The following ANKH variants were observed in gnomAD, a reference collection of about 807,000 sequenced individuals.
The protein encoded by ANKH is ANKH inorganic pyrophosphate transport regulator.
In ANKH, 15 loss-of-function variants were observed where a neutral mutation model predicts 49.0. That is an observed-to-expected ratio of 0.31 (90% CI 0.20 to 0.47). The LOEUF (loss-of-function observed/expected upper bound fraction) is 0.47, where lower values mean the gene tolerates loss of function less well. Ranked by LOEUF, ANKH falls within the 20% of genes least tolerant of loss-of-function variation. The probability of loss-of-function intolerance (pLI) is 1.00; values close to 1 mark genes in which losing one functional copy is unlikely to be tolerated. For synonymous variants in ANKH, 273 were observed against 260.0 expected (o/e 1.05, Z -0.48); for missense variants, 429 against 652.0 (o/e 0.66, Z 3.72).
intron 1 of ANKH, among the ~76,000 whole-genome samples, chr5:14,805,449 A>G (rs969970726): frequency 1.7e-4 from 14 of 84,336 alleles, no homozygotes; most frequent in East Asian, 6.1e-4. Flanking sequence ...GTGTGTGTGT[A>G]TATATATATG....
chr5:14,786,045 C>CA (rs71603742), intron 1 of ANKH, among the ~76,000 whole-genome samples: 21,446 of 66,236 alleles, frequency 0.32, 3,531 homozygotes, highest in African/African-American at 0.36. Flanking sequence ...GACTCTGTCT[C>CA]AAAAAAAAAA....
chr5:14,748,169 G>C, intron 6 of ANKH, among the ~76,000 whole-genome samples: 1 of 152,192 alleles, frequency 6.6e-6, no homozygotes, highest in African/African-American at 2.4e-5. Context: ...AACTTGAACT[G>C]AAGTATTCAA....
chr5:14,796,021 C>T (rs1205596851), intron 1 of ANKH, among the ~76,000 whole-genome samples: 1 of 152,118 alleles, frequency 6.6e-6, no homozygotes, highest in East Asian at 1.9e-4. Context: ...AACATATTTT[C>T]CTTCCCAATT....
chr5:14,817,453 T>C (rs1014846086), intron 1 of ANKH, among the ~76,000 whole-genome samples: 5 of 152,172 alleles, frequency 3.3e-5, no homozygotes, highest in Non-Finnish European at 7.4e-5. Context: ...TGAACTACCA[T>C]GAGATGGATG....
chr5:14,725,668 G>A lies in ANKH; in HGVS notation c.1012-8833C>T, dbSNP rs139179491. Among the ~76,000 whole-genome samples, 475 of 152,372 alleles carry A rather than the reference G, an allele frequency of 3.1e-3. 1 individual carries two copies. Among genetic ancestry groups the A allele is most frequent in the African/African-American group, 0.011 (463 of 41,582 alleles). On this transcript the variant is annotated intron_variant, in intron 8 of 11. Coordinates refer to ENST00000284268, the MANE Select transcript of ANKH (RefSeq NM_054027.6). The surrounding 1 kb of genome is among the most constrained non-coding windows in gnomAD (Gnocchi z 4.0). Reference sequence around the variant, plus strand: ...AGCAGGGGAGTCCTCTGGAGGTGGTGAGATTAGGACTGATTGAATTTTCCT... The same window carrying A: ...AGCAGGGGAGTCCTCTGGAGGTGGTAAGATTAGGACTGATTGAATTTTCCT...
At chr5:14,715,274 G>A (rs768607840) in intron 9 of ANKH, among the ~76,000 whole-genome samples, 1 of 152,238 alleles carries the variant, frequency 6.6e-6, no homozygotes, top group Non-Finnish European at 1.5e-5. Context: ...TGGGATTACA[G>A]GCATGCGCCA....
In ANKH at chr5:14,705,709, G is replaced by A; in HGVS notation, c.*5488C>T. The A allele has an allele frequency of 6.5e-6, 1 of 153,166 alleles. No individual in the cohort carries two copies. The highest frequency in any genetic ancestry group is 1.5e-5 in the Non-Finnish European group (1 of 68,246). The allele number at this position is 153,166 out of a possible 1,614,324, so 9.5% of individuals were successfully genotyped here. On this transcript the variant is annotated 3_prime_UTR_variant, in exon 12 of 12. Coordinates refer to ENST00000284268, the MANE Select transcript of ANKH (RefSeq NM_054027.6). ...TGCCACTGCAAGGCTTGTGGATGTG[G>A]CAGCCCTGGGGTAAGGGACCTGCTG...
At chr5:14,791,430 C>T (rs1740162322) in intron 1 of ANKH, among the ~76,000 whole-genome samples, 1 of 152,166 alleles carries the variant, frequency 6.6e-6, no homozygotes, top group African/African-American at 2.4e-5. Context: ...GTTTCAAAAG[C>T]ACCTTCTATA....
chr5:14,716,568 CTAA>C (rs1281798209), intron 9 of ANKH, 135 bp downstream of exon 9: 26 of 1,073,176 alleles, frequency 2.4e-5, no homozygotes, highest in Non-Finnish European at 3.5e-5. Flanking sequence ...AACCTACTGG[CTAA>C]TGTTTTTGCA....
chr5:14,819,900 TACACACACAC>T (rs57977744), intron 1 of ANKH, among the ~76,000 whole-genome samples: 3,944 of 145,434 alleles, frequency 0.027, 104 homozygotes, highest in African/African-American at 0.069. Flanking sequence ...AACAAAAATA[TACACACACAC>T]ACACACACAC....
chr5:14,854,843 C>T (rs1742211267), intron 1 of ANKH, among the ~76,000 whole-genome samples: 1 of 152,196 alleles, frequency 6.6e-6, no homozygotes, highest in East Asian at 1.9e-4. Flanking sequence ...AGCTGTCTCT[C>T]TGGTAGTTGC....
In ANKH at chr5:14,827,981, C is replaced by T. The variant is rs183842175; in HGVS notation, c.96+43371G>A. On this transcript the variant is annotated intron_variant, in intron 1 of 11. Coordinates refer to ENST00000284268, the MANE Select transcript of ANKH (RefSeq NM_054027.6). ...TATTTGCATATCTCAGATCATACCA[C>T]GTGGGCACCTGTTCCGGCATAAGAT... Among the ~76,000 whole-genome samples, 358 of 152,320 alleles carry T rather than the reference C, an allele frequency of 2.4e-3. 3 individuals carry two copies. The highest frequency in any genetic ancestry group is 8.2e-3 in the African/African-American group (339 of 41,574).
chr5:14,775,776 T>A (rs1739597870), intron 1 of ANKH, among the ~76,000 whole-genome samples: 1 of 152,060 alleles, frequency 6.6e-6, no homozygotes, highest in African/African-American at 2.4e-5. Context: ...GCTGAGATGA[T>A]TCTAGGTGGC....
rs117289292 is a variant in ANKH, at chr5:14,714,096, G to A, written c.1142-429C>T. 8.7e-4 allele frequency among the ~76,000 whole-genome samples: 133 copies of A among 152,378 alleles called. 3 individuals are homozygous for A. In the East Asian group the frequency reaches 0.018, roughly 21 times the overall value. On this transcript the variant is annotated intron_variant, in intron 9 of 11. Transcript: ENST00000284268. ...GCATCAGAAGCCATCTTCCCTGCCT[G>A]CGGTCAGAGGTGTGGGGACCAAGCA...
At chr5:14,819,898 T>A (rs79230526) in intron 1 of ANKH, among the ~76,000 whole-genome samples, 1 of 87,060 alleles carries the variant, frequency 1.1e-5, no homozygotes, top group African/African-American at 4.8e-5. Flanking sequence ...ACAACAAAAA[T>A]ATACACACAC....
At chr5:14,833,175 A>G (rs556874438) in intron 1 of ANKH, among the ~76,000 whole-genome samples, 2 of 152,304 alleles carry the variant, frequency 1.3e-5, no homozygotes, top group African/African-American at 4.8e-5. Context: ...ATGTCTTCAG[A>G]TGTTCAGAGG....
In ANKH at chr5:14,706,589, G is replaced by A. The variant is rs1736953433; in HGVS notation, c.*4608C>T. The A allele has an allele frequency of 6.6e-6, 1 of 152,138 alleles. No homozygotes were observed. The highest frequency in any genetic ancestry group is 2.4e-5 in the African/African-American group (1 of 41,422). 9.4% of individuals were successfully genotyped at this position (152,138 alleles called of 1,614,324 possible). On this transcript the variant is annotated 3_prime_UTR_variant, in exon 12 of 12. Transcript: ENST00000284268. ...TGTGACTTTTCTGAGTGGAGTTTGGGTTATTTTGATTCCACAATGCAATTT... is the reference window on the plus strand; with the variant it reads ...TGTGACTTTTCTGAGTGGAGTTTGGATTATTTTGATTCCACAATGCAATTT...
intron 1 of ANKH, among the ~76,000 whole-genome samples, chr5:14,784,424 C>T (rs985906982): frequency 2.6e-5 from 4 of 152,160 alleles, no homozygotes; most frequent in Admixed American, 6.5e-5. Flanking sequence ...AGGATAAACA[C>T]GTCTCTACCA....
intron 4 of ANKH, among the ~76,000 whole-genome samples, chr5:14,754,604 C>T (rs1402851509): frequency 2.0e-5 from 3 of 152,154 alleles, no homozygotes; most frequent in African/African-American, 7.2e-5. Flanking sequence ...CACACACACA[C>T]ACAGTTAGTA....
Sources: allele counts gnomAD v4.1 joint callset (sites outside exome capture counted in the v4.1 genomes callset), GRCh38; gene constraint gnomAD v4.1.1; non-coding constraint Gnocchi (gnomAD v3.1); transcripts MANE v1.5; gene names NCBI Gene and HGNC (gene_info 2026-07-23, HGNC 2026-07-21).